Variants in IPMK observed in about 807,000 individuals in gnomAD.
The protein encoded by IPMK is inositol 1,3,4,6-tetrakisphosphate 5-kinase.
IPMK carries 17 observed loss-of-function variants against 45.8 expected under a neutral mutation model. The ratio of observed to expected loss-of-function variants is 0.37; its 90% CI spans 0.25 to 0.56. The LOEUF (loss-of-function observed/expected upper bound fraction) is 0.56, where lower values mean the gene tolerates loss of function less well. IPMK is among the 20% of genes least tolerant of loss of function. IPMK has a pLI of 0.79. For synonymous variants in IPMK, 180 were observed against 184.3 expected (o/e 0.98, Z 0.19); for missense variants, 399 against 498.0 (o/e 0.80, Z 1.89).
intron 3 of IPMK, 33 bp from the exon 4 acceptor site, chr10:58,216,350 G>A (rs1482779019): frequency 6.5e-6 from 7 of 1,071,706 alleles, no homozygotes; most frequent in Admixed American, 5.4e-5. Context: ...ATTAGTAATA[G>A]GCAAACATAT....
intron 2 of IPMK, among the ~76,000 whole-genome samples, chr10:58,230,767 C>T (rs1370905041): frequency 6.6e-6 from 1 of 152,192 alleles, no homozygotes; most frequent in East Asian, 1.9e-4. Context: ...AGTGCCTCCT[C>T]TCCTCCAAAG....
At chr10:58,215,385 A>ATTTTTT (rs57335566) in intron 4 of IPMK, among the ~76,000 whole-genome samples, 13,131 of 143,638 alleles carry the variant, frequency 0.091, 979 homozygotes, top group East Asian at 0.43. Context: ...ACAATTACCT[A>ATTTTTT]TTTTTTTTTT....
At chr10:58,198,994 T>C (rs1004817891) in intron 5 of IPMK, among the ~76,000 whole-genome samples, 2 of 152,128 alleles carry the variant, frequency 1.3e-5, no homozygotes, top group Admixed American at 1.3e-4. Context: ...CTGTTCATTT[T>C]TTTTTTAAGT....
intron 3 of IPMK, among the ~76,000 whole-genome samples, chr10:58,222,297 G>A (rs1262445885): frequency 6.6e-6 from 1 of 152,134 alleles, no homozygotes; most frequent in Admixed American, 6.5e-5. Context: ...ATAATTATGA[G>A]TATTTCACAT....
At chr10:58,214,047 G>A (rs544102950) in intron 4 of IPMK, among the ~76,000 whole-genome samples, 8 of 152,304 alleles carry the variant, frequency 5.3e-5, no homozygotes, top group African/African-American at 1.9e-4. Flanking sequence ...CAGGTTAAAG[G>A]TGGGGTTTTG....
chr10:58,221,244 G>A (rs1479446457), intron 3 of IPMK, among the ~76,000 whole-genome samples: 1 of 152,052 alleles, frequency 6.6e-6, no homozygotes, highest in Non-Finnish European at 1.5e-5. Flanking sequence ...CTAACCTCAA[G>A]TATGCCCTTA....
At chr10:58,245,130 A>G (rs1239109064) in intron 1 of IPMK, among the ~76,000 whole-genome samples, 2 of 152,106 alleles carry the variant, frequency 1.3e-5, no homozygotes, top group Non-Finnish European at 2.9e-5. Flanking sequence ...ATGCTAAAGC[A>G]TGGATAAAAC....
At chr10:58,260,409 A>T (rs1401498540) in intron 1 of IPMK, among the ~76,000 whole-genome samples, 1 of 152,224 alleles carries the variant, frequency 6.6e-6, no homozygotes, top group African/African-American at 2.4e-5. Context: ...AAATACTCTG[A>T]ATTTTGTAAT....
rs549495891 is a variant in IPMK, at chr10:58,222,997, G to A, written c.373+4046C>T. 2.0e-4 allele frequency among the ~76,000 whole-genome samples: 31 copies of A among 152,284 alleles called. No individual in the cohort carries two copies. In the East Asian group the frequency reaches 5.8e-3, roughly 28 times the overall value. On this transcript the variant is annotated intron_variant, in intron 3 of 5. Transcript: ENST00000373935. ...TACAATGGACTTTGGGGATTCCGGG[G>A]AAAAGGCGGAAGGTGGGTGAGGGAT...
chr10:58,215,445 G>C (rs1838230312), intron 4 of IPMK, among the ~76,000 whole-genome samples: 2 of 147,010 alleles, frequency 1.4e-5, no homozygotes, highest in South Asian at 4.3e-4. Context: ...GTCTCACTTT[G>C]TCACCCAGGC....
intron 1 of IPMK, among the ~76,000 whole-genome samples, chr10:58,244,406 G>T (rs12354913): frequency 7.4e-5 from 11 of 147,712 alleles, no homozygotes; most frequent in Non-Finnish European, 1.2e-4. Context: ...CGTCTGGGAG[G>T]TGGGGAGCGC....
At chr10:58,263,330 C>T (rs1367825526) in intron 1 of IPMK, among the ~76,000 whole-genome samples, 1 of 152,004 alleles carries the variant, frequency 6.6e-6, no homozygotes. Context: ...TCAAGACCAG[C>T]CTGGCCAACA....
chr10:58,194,249 A>G lies in IPMK; in HGVS notation c.*1827T>C, dbSNP rs1837859592. The G allele has an allele frequency of 6.6e-6, 1 of 151,848 alleles. No homozygotes were observed. Among genetic ancestry groups the G allele is most frequent in the Non-Finnish European group, 1.5e-5 (1 of 67,746 alleles). The allele number at this position is 151,848 out of a possible 1,614,324, so 9.4% of individuals were successfully genotyped here. ...AATAGTGTTTAATTATCTGAGCTTA[A>G]GATTTATTGAACCACTATCCAAATA... On this transcript the variant is annotated 3_prime_UTR_variant, in exon 6 of 6. Coordinates refer to ENST00000373935, the MANE Select transcript of IPMK (RefSeq NM_152230.5).
In IPMK at chr10:58,192,045, T is replaced by C. The variant is rs1318123856; in HGVS notation, c.*4031A>G. ...AAAGTCTTAAAAGCCTATAGTGACT[T>C]GTTTACTTGCATAAATAATATTTTC... On this transcript the variant is annotated 3_prime_UTR_variant, in exon 6 of 6. Transcript: ENST00000373935. 6.6e-6 allele frequency: 1 copy of C among 152,084 alleles called. No homozygotes were observed. Among genetic ancestry groups the C allele is most frequent in the Non-Finnish European group, 1.5e-5 (1 of 67,924 alleles). The allele number at this position is 152,084 out of a possible 1,614,324, so 9.4% of individuals were successfully genotyped here.
intron 2 of IPMK, among the ~76,000 whole-genome samples, chr10:58,228,313 G>T (rs188217524): frequency 1.7e-4 from 26 of 151,762 alleles, no homozygotes; most frequent in African/African-American, 6.0e-4. Context: ...ATATATAGCA[G>T]GTCTATGAAA....
intron 3 of IPMK, among the ~76,000 whole-genome samples, chr10:58,219,909 CAAAG>C (rs998621648): frequency 6.6e-6 from 1 of 152,100 alleles, no homozygotes; most frequent in Non-Finnish European, 1.5e-5. Flanking sequence ...TCCTTTTAGA[CAAAG>C]AAGTTTTAAA....
intron 2 of IPMK, among the ~76,000 whole-genome samples, chr10:58,236,381 G>A (rs552556046): frequency 6.6e-6 from 1 of 152,080 alleles, no homozygotes; most frequent in East Asian, 1.9e-4. Context: ...GCACACAGCT[G>A]GAAAAGATCT....
intron 3 of IPMK, among the ~76,000 whole-genome samples, chr10:58,217,688 C>CAAAAAAAAAAAAAAAAAAAAAAAAAAA (rs11393849): frequency 2.0e-5 from 1 of 49,264 alleles, no homozygotes; most frequent in African/African-American, 9.4e-5. Flanking sequence ...AACTCCATCT[C>CAAAAAAAAAAAAAAAAAAAAAAAAAAA]AAAAAAAAAA....
intron 1 of IPMK, among the ~76,000 whole-genome samples, chr10:58,259,678 A>AAAAAAAAAAAAAAAAAAC (rs984861270): frequency 2.8e-5 from 4 of 144,594 alleles, no homozygotes; most frequent in African/African-American, 1.1e-4. Context: ...ACATAAAAAA[A>AAAAAAAAAAAAAAAAAAC]AAAAAAAAAC....
Sources: allele counts gnomAD v4.1 joint callset (sites outside exome capture counted in the v4.1 genomes callset), GRCh38; gene constraint gnomAD v4.1.1; transcripts MANE v1.5; gene names NCBI Gene and HGNC (gene_info 2026-07-23, HGNC 2026-07-21).